Variants in BEAN1 observed in about 807,000 individuals in gnomAD.
The protein encoded by BEAN1 is protein BEAN1.
BEAN1 carries 17 observed loss-of-function variants against 17.7 expected under a neutral mutation model. The ratio of observed to expected loss-of-function variants is 0.96; its 90% CI spans 0.66 to 1.44. BEAN1 has a LOEUF of 1.44. BEAN1 is among the 40% of genes most tolerant of loss of function. BEAN1 has a pLI of 0.00. For synonymous variants in BEAN1, 142 were observed against 151.8 expected, an observed-to-expected ratio of 0.94 and a Z score of 0.47; for missense variants, 359 against 374.1, an observed-to-expected ratio of 0.96 and a Z score of 0.33.
chr16:66,457,573 G>T (rs1450499910), intron 2 of BEAN1, among the ~76,000 whole-genome samples: 4 of 152,184 alleles, frequency 2.6e-5, no homozygotes, highest in South Asian at 2.1e-4. Context: ...TGCCATCAAG[G>T]TGACATCCTA....
At chr16:66,437,570 C>CA in intron 1 of BEAN1, 25 bp from the exon 2 acceptor site, 1 of 1,361,994 alleles carries the variant, frequency 7.3e-7, no homozygotes, top group Non-Finnish European at 9.9e-7. Flanking sequence ...GGCCCCCCAA[C>CA]ACCTGCCTGT....
downstream of BEAN1, chr16:66,484,018 A>G (rs1224456190): frequency 6.3e-6 from 1 of 158,420 alleles, no homozygotes; most frequent in Non-Finnish European, 1.4e-5. The surrounding 1 kb of genome is among the most constrained non-coding windows in gnomAD (Gnocchi z 4.2). Flanking sequence ...ATAATTGCAG[A>G]CAAAACCCGT....
At chr16:66,446,411 A>G (rs73592642) in intron 2 of BEAN1, among the ~76,000 whole-genome samples, 1,763 of 152,160 alleles carry the variant, frequency 0.012, 37 homozygotes, top group African/African-American at 0.041. Flanking sequence ...GAGATGGGGA[A>G]TATTATGGGC....
intron 4 of BEAN1, among the ~76,000 whole-genome samples, chr16:66,492,567 A>T (rs906990708): frequency 6.6e-6 from 1 of 151,424 alleles, no homozygotes; most frequent in African/African-American, 2.4e-5. Flanking sequence ...AGCCTCCCAA[A>T]CAGCTGGGAT....
chr16:66,436,521 G>C (rs12599789), intron 1 of BEAN1, among the ~76,000 whole-genome samples: 1 of 149,006 alleles, frequency 6.7e-6, no homozygotes, highest in African/African-American at 2.5e-5. Flanking sequence ...CTTATGATCT[G>C]CCCGCCTCGG....
At chr16:66,460,929 A>G (rs1963057477) in intron 2 of BEAN1, among the ~76,000 whole-genome samples, 1 of 152,184 alleles carries the variant, frequency 6.6e-6, no homozygotes, top group African/African-American at 2.4e-5. Context: ...GACCATCATG[A>G]GGATTAAATG....
chr16:66,431,853 C>T (rs562356353), intron 1 of BEAN1, among the ~76,000 whole-genome samples: 3 of 151,872 alleles, frequency 2.0e-5, no homozygotes, highest in Non-Finnish European at 4.4e-5. Context: ...CTGTCCCAGG[C>T]TGGAGTGCAG....
intron 2 of BEAN1, among the ~76,000 whole-genome samples, chr16:66,445,095 T>G (rs938984163): frequency 2.5e-4 from 38 of 152,264 alleles, no homozygotes; most frequent in African/African-American, 6.7e-4. Context: ...GCTCTTATGG[T>G]GCCAACATAG....
intron 2 of BEAN1, among the ~76,000 whole-genome samples, chr16:66,468,377 T>C (rs752347759): frequency 5.9e-5 from 9 of 152,204 alleles, no homozygotes; most frequent in Admixed American, 2.0e-4. Flanking sequence ...GGGACCCCTC[T>C]CAGAACAGAG....
chr16:66,446,276 G>A (rs1358467372), intron 2 of BEAN1, among the ~76,000 whole-genome samples: 2 of 152,128 alleles, frequency 1.3e-5, no homozygotes, highest in African/African-American at 2.4e-5. Flanking sequence ...GTGTCAATAT[G>A]GGATCAGATT....
chr16:66,483,822 T>C (rs1964046218), downstream of BEAN1: 1 of 152,472 alleles, frequency 6.6e-6, no homozygotes, highest in Non-Finnish European at 1.5e-5. Flanking sequence ...CTCATCCTTC[T>C]GGTTCTCCAG....
chr16:66,467,636 G>A (rs928932523), intron 2 of BEAN1, among the ~76,000 whole-genome samples: 5 of 152,210 alleles, frequency 3.3e-5, no homozygotes, highest in African/African-American at 1.2e-4. Context: ...CCAAGATGGA[G>A]TCACTCTTGT....
At chr16:66,468,746 C>T (rs888137772) in intron 2 of BEAN1, among the ~76,000 whole-genome samples, 1 of 152,220 alleles carries the variant, frequency 6.6e-6, no homozygotes, top group African/African-American at 2.4e-5. Flanking sequence ...TGACTGTCCA[C>T]GTGAGGCAGT....
rs1232407036 is a variant in BEAN1 at position 66,481,189 on chromosome 16, G to A, written c.*264G>A. 2 of 415,622 alleles carry A rather than the reference G, an allele frequency of 4.8e-6. No individual in the cohort carries two copies. Among genetic ancestry groups the A allele is most frequent in the Non-Finnish European group, 8.5e-6 (2 of 236,660 alleles). 25.7% of individuals were successfully genotyped at this position (415,622 alleles called of 1,614,324 possible). ...CTGCAAAGGTTTCACGGAACGTGGA[G>A]CTCTCCTGGCCTCCCGTCCCTCCTC... On this transcript the variant is annotated 3_prime_UTR_variant, in exon 5 of 5. Transcript: ENST00000536005. The surrounding 1 kb of genome is among the most constrained non-coding windows in gnomAD (Gnocchi z 4.1).
At chr16:66,475,266 G>A (rs1248562447) in intron 3 of BEAN1, among the ~76,000 whole-genome samples, 2 of 151,970 alleles carry the variant, frequency 1.3e-5, no homozygotes, top group Non-Finnish European at 2.9e-5. Context: ...CCAGCTGGAT[G>A]TCTCAGGTTT....
Position 66,480,953 on chromosome 16 carries a change from T to C in BEAN1, c.*28T>C, listed in dbSNP as rs1345814614. The C allele has an allele frequency of 7.1e-7, 1 of 1,404,742 alleles. No individual in the cohort carries two copies. The highest frequency in any genetic ancestry group is 1.5e-5 in the African/African-American group (1 of 68,816). The allele number at this position is 1,404,742 out of a possible 1,614,324, so 87.0% of individuals were successfully genotyped here. On this transcript the variant is annotated 3_prime_UTR_variant, in exon 5 of 5. Transcript: ENST00000536005. ...GACCCAGCCAGCCGGGTCCTGCTGG[T>C]CCCTACAGGCTGAACCACATTCTTT...
chr16:66,428,651 G>T (rs1961673670), intron 1 of BEAN1, among the ~76,000 whole-genome samples: 1 of 152,088 alleles, frequency 6.6e-6, no homozygotes. Context: ...TGAGTTGGGA[G>T]GATTAAATGA....
At chr16:66,484,319 G>A (rs978367521), downstream of BEAN1, 17 of 330,018 alleles carry the variant, frequency 5.2e-5, no homozygotes, top group East Asian at 1.6e-4. The surrounding 1 kb of genome is among the most constrained non-coding windows in gnomAD (Gnocchi z 4.2). Flanking sequence ...GCCCCCAACC[G>A]AAACCACCCC....
chr16:66,491,491 G>A (rs1964175073), intron 4 of BEAN1, among the ~76,000 whole-genome samples: 1 of 152,192 alleles, frequency 6.6e-6, no homozygotes, highest in Non-Finnish European at 1.5e-5. Context: ...TCCCATTTCA[G>A]TTTAAGAAAT....
Sources: allele counts gnomAD v4.1 joint callset (sites outside exome capture counted in the v4.1 genomes callset), GRCh38; gene constraint gnomAD v4.1.1; non-coding constraint Gnocchi (gnomAD v3.1); transcripts MANE v1.5; gene names NCBI Gene and HGNC (gene_info 2026-07-23, HGNC 2026-07-21).